Variants in XRCC3 observed in about 807,000 individuals in gnomAD.
The protein encoded by XRCC3 is DNA repair protein XRCC3.
Under a neutral mutation model 29.2 loss-of-function variants are expected in XRCC3, and 34 were observed. The ratio of observed to expected loss-of-function variants is 1.16; its 90% CI spans 0.88 to 1.55. XRCC3 has a LOEUF of 1.55. XRCC3 is among the 40% of genes most tolerant of loss of function. The pLI, the probability that XRCC3 is intolerant of heterozygous loss-of-function variation, is 0.00. For missense variants in XRCC3, 463 were observed against 467.6 expected, an observed-to-expected ratio of 0.99 and a Z score of 0.09; for synonymous variants, 223 against 211.3, an observed-to-expected ratio of 1.06 and a Z score of -0.48.
intron 1 of XRCC3, among the ~76,000 whole-genome samples, chr14:103,714,748 C>G (rs980537956): frequency 1.3e-4 from 20 of 152,184 alleles, no homozygotes; most frequent in Admixed American, 1.3e-4. Context: ...AATGTGATCT[C>G]GGCTCACTGC....
intron 5 of XRCC3, 102 bp from the exon 6 acceptor site, chr14:103,707,317 G>T: frequency 7.0e-7 from 1 of 1,427,132 alleles, no homozygotes; most frequent in Non-Finnish European, 9.6e-7. Flanking sequence ...GGTGCAGTGT[G>T]GCTGGAGCAC....
chr14:103,711,801 G>C (rs1187843332), intron 2 of XRCC3: 1 of 440,036 alleles, frequency 2.3e-6, no homozygotes, highest in Non-Finnish European at 4.6e-6. Flanking sequence ...AGGCTGCTCA[G>C]GGACTCAGCC....
intron 2 of XRCC3, chr14:103,712,049 G>A: frequency 1.2e-5 from 4 of 325,246 alleles, no homozygotes; most frequent in South Asian, 2.5e-5. Context: ...TGCGGCACTG[G>A]CCTGGACACG....
chr14:103,702,209 C>T lies in XRCC3; in HGVS notation c.561+964G>A, dbSNP rs139232122. On this transcript the variant is annotated intron_variant, in intron 7 of 9. Transcript: ENST00000555055. ...GCCCCCGGTGAGTGGCCCCTGCTCT[C>T]TGCAAGGCCCTGCCATAGGTCCCTC... 1.2e-3 allele frequency: 184 copies of T among 152,688 alleles called. 1 individual carries two copies. The highest frequency in any genetic ancestry group is 4.2e-3 in the African/African-American group (176 of 41,596). The allele number at this position is 152,688 out of a possible 1,614,324, so 9.5% of individuals were successfully genotyped here. A position where few individuals can be genotyped will look rare whatever the true frequency, so the allele number is the denominator to read the frequency against.
chr14:103,706,745 G>GGGGCCTAGCTCTGCTGA (rs1176921269), intron 6 of XRCC3: 15 of 548,042 alleles, frequency 2.7e-5, no homozygotes, highest in Non-Finnish European at 4.0e-5. Flanking sequence ...GCGACCCCTG[G>GGGGCCTAGCTCTGCTGA]GGGCCTAGCT....
chr14:103,703,272 G>A lies in XRCC3; in HGVS notation c.462C>T (p.Leu154=), dbSNP rs749117148. 6.4e-7 allele frequency: 1 copy of A among 1,559,748 alleles called. No homozygotes were observed. Among genetic ancestry groups the A allele is most frequent in the Admixed American group, 1.9e-5 (1 of 53,186 alleles). The change falls in exon 7 of 10, where the codon CTC becomes CTT. Residue 154 remains leucine (L), a synonymous_variant. Transcript: ENST00000555055. ...TGCGCAGCCGCGGCTGCTGGGCCAT[G>A]AGCTGCTGCAGGCGCTTGTGCGGGA... ...DAFPHKRLQQ[L]MAQQPRLRTD...
intron 6 of XRCC3, 30 bp downstream of exon 6, chr14:103,706,973 C>G (rs981204462): frequency 6.5e-7 from 1 of 1,537,758 alleles, no homozygotes; most frequent in Non-Finnish European, 8.7e-7. Context: ...GCCCACCTGC[C>G]CAGACCCCAC....
At chr14:103,713,480 CAA>C (rs1462730374) in intron 1 of XRCC3, 1 of 152,390 alleles carries the variant, frequency 6.6e-6, no homozygotes, top group Non-Finnish European at 1.5e-5. Context: ...GGGGCTGGCC[CAA>C]GACAGACCTG....
intron 7 of XRCC3, chr14:103,701,583 G>A (rs3212095): frequency 5.2e-6 from 1 of 193,904 alleles, no homozygotes; most frequent in African/African-American, 2.3e-5. Flanking sequence ...TCTTAGAAGT[G>A]GGGGAAGGCT....
At chr14:103,699,206 G>A in intron 8 of XRCC3, 27 bp from the exon 9 acceptor site, 1 of 1,551,238 alleles carries the variant, frequency 6.4e-7, no homozygotes, top group Non-Finnish European at 8.7e-7. Context: ...CAGGTCAGCT[G>A]CAACGGCTGA....
chr14:103,702,975 A>G lies in XRCC3; in HGVS notation c.561+198T>C, dbSNP rs552093787. 270 of 782,194 alleles carry G rather than the reference A, an allele frequency of 3.5e-4. 4 individuals carry two copies. In the South Asian group the frequency reaches 3.8e-3, roughly 11 times the overall value. The allele number at this position is 782,194 out of a possible 1,614,324, so 48.5% of individuals were successfully genotyped here. A position where few individuals can be genotyped will look rare whatever the true frequency, so the allele number is the denominator to read the frequency against. Reference sequence around the variant, plus strand: ...TTTAGCCAGAATTCCCTCCCCTGCCAGTTCCTCTCAGTCACTCTCCATCCT... The same window carrying G: ...TTTAGCCAGAATTCCCTCCCCTGCCGGTTCCTCTCAGTCACTCTCCATCCT... On this transcript the variant is annotated intron_variant, in intron 7 of 9. Coordinates refer to ENST00000555055, the MANE Select transcript of XRCC3 (RefSeq NM_005432.4).
chr14:103,702,901 GC>G, intron 7 of XRCC3: 1 of 498,358 alleles, frequency 2.0e-6, no homozygotes, highest in Non-Finnish European at 3.6e-6. Context: ...GTCCCCAGAG[GC>G]CGTCTGATCC....
chr14:103,703,052 A>G, intron 7 of XRCC3, 121 bp downstream of exon 7: 1 of 1,460,520 alleles, frequency 6.8e-7, no homozygotes, highest in Non-Finnish European at 9.2e-7. Context: ...TGCTGTGTTC[A>G]GAGCTGAGCC....
rs1349174123 is a variant in XRCC3 at position 103,698,234 on chromosome 14, C to T, written c.*564G>A. The T allele has an allele frequency of 5.8e-6, 1 of 173,596 alleles. No individual in the cohort carries two copies. The highest frequency in any genetic ancestry group is 1.2e-5 in the Non-Finnish European group (1 of 80,612). The allele number at this position is 173,596 out of a possible 1,614,324, so 10.8% of individuals were successfully genotyped here. A position where few individuals can be genotyped will look rare whatever the true frequency, so the allele number is the denominator to read the frequency against. On this transcript the variant is annotated 3_prime_UTR_variant, in exon 10 of 10. Transcript: ENST00000555055. ...TGTACCACACTGAAGTTTTGTGGGG[C>T]ACAGTGTGTGCCGAGGTGGGGCCCC...
At chr14:103,710,792 C>A in intron 4 of XRCC3, 1 of 530,044 alleles carries the variant, frequency 1.9e-6, no homozygotes, top group Non-Finnish European at 3.4e-6. Context: ...ACCTTTTAGA[C>A]AATATGCATG....
At chr14:103,704,716 G>C (rs1405663745) in intron 6 of XRCC3, 1 of 152,144 alleles carries the variant, frequency 6.6e-6, no homozygotes, top group Non-Finnish European at 1.5e-5. Context: ...CTATCAGGCC[G>C]AACTGTACAC....
intron 7 of XRCC3, chr14:103,700,663 T>C: frequency 6.2e-7 from 1 of 1,607,402 alleles, no homozygotes; most frequent in South Asian, 1.1e-5. Flanking sequence ...AGGGCGTCTC[T>C]GGCCGAGCCT....
chr14:103,701,355 C>T, intron 7 of XRCC3: 2 of 768,490 alleles, frequency 2.6e-6, no homozygotes, highest in Non-Finnish European at 4.1e-6. Flanking sequence ...ATACTAATAA[C>T]CACACGGCTG....
rs1305627468 is a variant in XRCC3 at position 103,703,294 on chromosome 14, G to C, written c.440C>G (p.Pro147Arg). ...CATGAGCTGCTGCAGGCGCTTGTGC[G>C]GGAAGGCGTCTTCCGTGCAGATGTA... ...AVYICTEDAF[P>R]HKRLQQLMAQ... The change falls in exon 7 of 10, where the codon CCG (proline) becomes CGG (arginine). Residue 147 changes from proline to arginine, a missense_variant. Coordinates refer to ENST00000555055, the MANE Select transcript of XRCC3 (RefSeq NM_005432.4). The C allele has an allele frequency of 6.4e-7, 1 of 1,556,098 alleles. No individual in the cohort carries two copies.
Sources: gnomAD v4.1 joint callset for allele counts (sites outside exome capture counted in the v4.1 genomes callset) on GRCh38, gnomAD v4.1.1 for gene constraint, MANE v1.5 for transcripts, NCBI Gene and HGNC (gene_info 2026-07-23, HGNC 2026-07-21) for gene names.